The following ANO4 variants were observed in gnomAD, a reference collection of about 807,000 sequenced individuals.
The protein encoded by ANO4 is anoctamin-4.
In ANO4, 69 loss-of-function variants were observed where a neutral mutation model predicts 141.9. The ratio of observed to expected loss-of-function variants is 0.49; its 90% confidence interval spans 0.40 to 0.59. ANO4 has a LOEUF of 0.59. Among genes scored for constraint, ANO4 ranks in the 20% least tolerant of loss-of-function variants. The pLI, the probability that ANO4 is intolerant of heterozygous loss-of-function variation, is 0.00. For synonymous variants in ANO4, 350 were observed against 394.3 expected (o/e 0.89, Z 1.33); for missense variants, 894 against 1,162.2 (o/e 0.77, Z 3.36).
intron 3 of ANO4, among the ~76,000 whole-genome samples, chr12:100,783,817 C>A (rs1181849762): frequency 6.6e-6 from 1 of 152,260 alleles, no homozygotes; most frequent in South Asian, 2.1e-4. Context: ...CTGGGTGTTG[C>A]TGCAGAAAAA....
intron 3 of ANO4, among the ~76,000 whole-genome samples, chr12:100,762,894 A>G (rs2032933585): frequency 6.6e-6 from 1 of 152,162 alleles, no homozygotes; most frequent in Non-Finnish European, 1.5e-5. Context: ...TGCCCAGAAC[A>G]TAGTAGGCGC....
intron 25 of ANO4, among the ~76,000 whole-genome samples, chr12:101,118,002 CAAGT>C (rs2050923659): frequency 6.6e-6 from 1 of 151,924 alleles, no homozygotes; most frequent in Admixed American, 6.6e-5. Context: ...CATGGAGTAA[CAAGT>C]AAGATGGGGA....
chr12:101,091,823 A>G (rs2049789733), intron 17 of ANO4, among the ~76,000 whole-genome samples: 1 of 152,036 alleles, frequency 6.6e-6, no homozygotes, highest in African/African-American at 2.4e-5. Flanking sequence ...GTCCAGTGCT[A>G]ACTAAAATAA....
At chr12:100,754,304 C>G (rs57982893) in intron 3 of ANO4, among the ~76,000 whole-genome samples, 4 of 152,208 alleles carry the variant, frequency 2.6e-5, no homozygotes, top group African/African-American at 9.6e-5. Flanking sequence ...AGTCTATGCT[C>G]TTTTCTTTAG....
At chr12:100,825,089 A>G (rs907117409) in intron 1 of ANO4, among the ~76,000 whole-genome samples, 1 of 152,100 alleles carries the variant, frequency 6.6e-6, no homozygotes, top group African/African-American at 2.4e-5. Flanking sequence ...TATCATCAAA[A>G]TAACTTCACT....
Position 101,097,841 on chromosome 12 carries a change from C to A in ANO4, c.1909-7C>A. The A allele has an allele frequency of 6.2e-7, 1 of 1,613,278 alleles. No individual in the cohort carries two copies. The highest frequency in any genetic ancestry group is 8.5e-7 in the Non-Finnish European group (1 of 1,179,368). Reference sequence around the variant, plus strand: ...TTCTGGAATTTCTGTGTTTGCTTACCTTGCAGTGCCACCCTAGTGGATGCC... The same window carrying A: ...TTCTGGAATTTCTGTGTTTGCTTACATTGCAGTGCCACCCTAGTGGATGCC... On this transcript the variant is annotated splice_polypyrimidine_tract_variant and splice_region_variant and intron_variant, in intron 20 of 27. Transcript: ENST00000392977.
intron 14 of ANO4, among the ~76,000 whole-genome samples, chr12:101,051,689 TC>T (rs1409673431): frequency 6.6e-6 from 1 of 152,216 alleles, no homozygotes; most frequent in Non-Finnish European, 1.5e-5. Flanking sequence ...AAGGTACTGT[TC>T]TTATCCTCAT....
rs12581252 is a variant in ANO4, at chr12:101,077,571, A to C, written c.1313-1622A>C. Among the ~76,000 whole-genome samples the C allele has an allele frequency of 2.7e-4, 41 of 152,306 alleles. No homozygotes were observed. The East Asian group carries it at 5.4e-3, about 20-fold the overall frequency. ...TAAGACATTTGATTATTTTAGGTGT[A>C]TCTTCCTTAACAACTGTAACTACTC... On this transcript the variant is annotated intron_variant, in intron 14 of 27. Transcript: ENST00000392977.
chr12:101,099,572 G>A lies in ANO4; in HGVS notation c.2007-6G>A, dbSNP rs1345397391. On this transcript the variant is annotated splice_polypyrimidine_tract_variant and splice_region_variant and intron_variant, in intron 21 of 27. Transcript: ENST00000392977. ...TTTTTTGTAAGAAATTGATCTTTTT[G>A]CCCAGGTTAATTCAGAATTGGTGGA... The A allele has an allele frequency of 6.9e-6, 11 of 1,585,478 alleles. No individual in the cohort carries two copies. Among genetic ancestry groups the A allele is most frequent in the Non-Finnish European group, 8.5e-7 (1 of 1,171,928 alleles).
intron 21 of ANO4, among the ~76,000 whole-genome samples, chr12:101,098,173 A>G (rs1009600868): frequency 2.6e-5 from 4 of 152,182 alleles, no homozygotes; most frequent in African/African-American, 7.2e-5. Flanking sequence ...TTCTTTAAGG[A>G]GACTCTTTAG....
At chr12:100,925,303 G>A (rs1038583528) in intron 3 of ANO4, among the ~76,000 whole-genome samples, 2 of 152,028 alleles carry the variant, frequency 1.3e-5, no homozygotes, top group Admixed American at 6.6e-5. Flanking sequence ...AAAGCTTTGC[G>A]AGACCATCGT....
chr12:100,876,501 A>G (rs936584005), intron 1 of ANO4, among the ~76,000 whole-genome samples: 2 of 152,158 alleles, frequency 1.3e-5, no homozygotes, highest in Non-Finnish European at 2.9e-5. Context: ...GAAAAATGAG[A>G]GAAATTAAAA....
intron 24 of ANO4, among the ~76,000 whole-genome samples, chr12:101,113,409 T>C (rs2050736604): frequency 6.6e-5 from 10 of 152,216 alleles, no homozygotes; most frequent in Non-Finnish European, 1.5e-5. Flanking sequence ...AAAGTGTATC[T>C]CATAGCCTCC....
At chr12:100,807,202 C>T (rs2035111125) in intron 1 of ANO4, among the ~76,000 whole-genome samples, 1 of 152,106 alleles carries the variant, frequency 6.6e-6, no homozygotes, top group South Asian at 2.1e-4. Context: ...GTGTCTTTTC[C>T]TTGCTGGCTA....
intron 1 of ANO4, among the ~76,000 whole-genome samples, chr12:100,869,098 C>T (rs4764764): frequency 0.4 from 60,105 of 151,910 alleles, 12,117 homozygotes; most frequent in Admixed American, 0.47. Flanking sequence ...ATGCCACTCC[C>T]TGGTACTCAA....
chr12:101,019,916 A>C, intron 8 of ANO4, 118 bp from the exon 9 acceptor site: 1 of 768,328 alleles, frequency 1.3e-6, no homozygotes, highest in Non-Finnish European at 2.2e-6. Context: ...TGTTCCAGAC[A>C]CACCCTGTCT....
rs755955164 is a variant in ANO4, at chr12:100,901,654, T to C, written c.-132T>C. On this transcript the variant is annotated 5_prime_UTR_variant, in exon 2 of 28. Coordinates refer to ENST00000392977, the MANE Select transcript of ANO4 (RefSeq NM_001286615.2). ...GCCATTTCTCATTCCAGGTTTAAGT[T>C]TATCTATTCATGGGGCTGAAAAGCG... The C allele has an allele frequency of 1.5e-5, 12 of 819,104 alleles. No homozygotes were observed. Among genetic ancestry groups the C allele is most frequent in the Admixed American group, 1.8e-5 (1 of 57,080 alleles). 50.7% of individuals were successfully genotyped at this position (819,104 alleles called of 1,614,324 possible). A position where few individuals can be genotyped will look rare whatever the true frequency, so the allele number is the denominator to read the frequency against.
intron 1 of ANO4, among the ~76,000 whole-genome samples, chr12:100,836,415 A>C (rs577893907): frequency 6.6e-6 from 1 of 152,072 alleles, no homozygotes; most frequent in African/African-American, 2.4e-5. Context: ...ATATGTATAC[A>C]TGTGCCATGT....
intron 9 of ANO4, among the ~76,000 whole-genome samples, chr12:101,029,284 A>G (rs2046870290): frequency 6.6e-6 from 1 of 152,184 alleles, no homozygotes. Flanking sequence ...TAGTATGCAA[A>G]ATAACCAGAT....
Sources: allele counts gnomAD v4.1 joint callset (sites outside exome capture counted in the v4.1 genomes callset), GRCh38; gene constraint gnomAD v4.1.1; transcripts MANE v1.5; gene names NCBI Gene and HGNC (gene_info 2026-07-23, HGNC 2026-07-21).